The following STK3 variants were observed in gnomAD, a reference collection of about 807,000 sequenced individuals.
The protein encoded by STK3 is serine/threonine-protein kinase 3.
STK3 carries 41 observed loss-of-function variants against 58.0 expected under a neutral mutation model. The ratio of observed to expected loss-of-function variants is 0.71; its 90% CI spans 0.55 to 0.92. The LOEUF is 0.92. Ranked by LOEUF, STK3 falls within the 40% of genes least tolerant of loss-of-function variation. The pLI is 0.00. For synonymous variants in STK3, 170 were observed against 191.0 expected (o/e 0.89, Z 0.91); for missense variants, 479 against 602.7 (o/e 0.79, Z 2.15).
chr8:98,464,690 C>T (rs1250914131), intron 10 of STK3, among the ~76,000 whole-genome samples: 1 of 151,840 alleles, frequency 6.6e-6, no homozygotes, highest in Non-Finnish European at 1.5e-5. Flanking sequence ...TACTATGAAG[C>T]CTGTTTAAAG....
intron 1 of STK3, among the ~76,000 whole-genome samples, chr8:98,780,283 C>G (rs1272107184): frequency 1.3e-5 from 2 of 151,996 alleles, no homozygotes; most frequent in Non-Finnish European, 2.9e-5. Flanking sequence ...CCTTCTTTCC[C>G]ACAGTTCCAT....
At chr8:98,738,000 G>T (rs901315120) in intron 4 of STK3, among the ~76,000 whole-genome samples, 2 of 152,056 alleles carry the variant, frequency 1.3e-5, no homozygotes, top group African/African-American at 4.8e-5. Context: ...GTGAGCCACC[G>T]CACCCGGCCG....
chr8:98,785,719 C>G (rs983704688), intron 1 of STK3, among the ~76,000 whole-genome samples: 2 of 152,144 alleles, frequency 1.3e-5, no homozygotes, highest in African/African-American at 4.8e-5. Flanking sequence ...CCAAACTACA[C>G]AGCCCAATAT....
Position 98,424,914 on chromosome 8 carries a change from G to A in STK3, n.483+9213C>T, listed in dbSNP as rs4076778. Among the ~76,000 whole-genome samples the A allele has an allele frequency of 4.1e-3, 626 of 152,302 alleles. 5 individuals carry two copies. Among genetic ancestry groups the A allele is most frequent in the South Asian group, 0.014 (67 of 4,822 alleles). On this transcript the variant is annotated intron_variant and non_coding_transcript_variant, in intron 3 of 3. Transcript: ENST00000517832. ...GGAGGGGCCGGAAGGCAGGCAGCTCGTAGTGAAAGGATAGGGGTGAGAGCT... is the reference window on the plus strand; with the variant it reads ...GGAGGGGCCGGAAGGCAGGCAGCTCATAGTGAAAGGATAGGGGTGAGAGCT...
chr8:98,909,821 A>G (rs1839061956), intron 1 of STK3, among the ~76,000 whole-genome samples: 1 of 152,190 alleles, frequency 6.6e-6, no homozygotes, highest in African/African-American at 2.4e-5. Flanking sequence ...ATAAACATTC[A>G]TGTTCATATT....
chr8:98,817,453 CA>C (rs61671053), intron 1 of STK3, among the ~76,000 whole-genome samples: 90 of 128,940 alleles, frequency 7.0e-4, no homozygotes, highest in Middle Eastern at 4.2e-3. Context: ...GACTCCATCT[CA>C]AAAAAAAAAA....
intron 8 of STK3, among the ~76,000 whole-genome samples, chr8:98,570,968 G>A (rs72666649): frequency 0.03 from 4,524 of 152,200 alleles, 98 homozygotes; most frequent in South Asian, 0.061. Flanking sequence ...TACATTACAG[G>A]CTTCTGGACT....
intron 1 of STK3, among the ~76,000 whole-genome samples, chr8:98,383,525 T>G (rs913417900): frequency 2.6e-5 from 4 of 152,254 alleles, no homozygotes. Context: ...CCAAATGGAT[T>G]TTTTAAGAAT....
At chr8:98,521,038 A>G (rs1325969872) in intron 10 of STK3, among the ~76,000 whole-genome samples, 1 of 151,902 alleles carries the variant, frequency 6.6e-6, no homozygotes, top group African/African-American at 2.4e-5. Context: ...TCCTTTATTC[A>G]TCTCTTATTT....
intron 10 of STK3, among the ~76,000 whole-genome samples, chr8:98,476,545 C>T (rs1821326810): frequency 6.6e-6 from 1 of 152,146 alleles, no homozygotes; most frequent in African/African-American, 2.4e-5. Flanking sequence ...CCAGGTGGAA[C>T]CAATGTTGCT....
At chr8:98,519,457 G>C (rs1384422896) in intron 10 of STK3, among the ~76,000 whole-genome samples, 2 of 151,456 alleles carry the variant, frequency 1.3e-5, no homozygotes, top group African/African-American at 4.8e-5. Flanking sequence ...TGGCTATAGA[G>C]GAGGGTGAAA....
At chr8:98,517,259 C>A (rs1350625566) in intron 10 of STK3, among the ~76,000 whole-genome samples, 1 of 151,928 alleles carries the variant, frequency 6.6e-6, no homozygotes, top group Non-Finnish European at 1.5e-5. Context: ...CAAAACAAGA[C>A]TACTTTGGTT....
intron 3 of STK3, among the ~76,000 whole-genome samples, chr8:98,863,376 G>A (rs974131761): frequency 1.3e-5 from 2 of 152,118 alleles, no homozygotes; most frequent in African/African-American, 2.4e-5. Context: ...TCTCCCACTG[G>A]CTAAATGAAT....
intron 4 of STK3, among the ~76,000 whole-genome samples, chr8:98,714,591 CT>C (rs1262264534): frequency 6.6e-6 from 1 of 152,158 alleles, no homozygotes; most frequent in East Asian, 1.9e-4. Context: ...TGAAGGACCT[CT>C]TTAAGGAGAA....
intron 1 of STK3, among the ~76,000 whole-genome samples, chr8:98,799,319 A>G (rs927703587): frequency 1.3e-4 from 20 of 152,198 alleles, no homozygotes; most frequent in African/African-American, 4.6e-4. Flanking sequence ...GAACAGCAGC[A>G]TAAGCTGCTG....
the STK3 span, among the ~76,000 whole-genome samples, chr8:98,344,503 T>C: frequency 6.6e-6 from 1 of 152,194 alleles, no homozygotes; most frequent in Non-Finnish European, 1.5e-5. Flanking sequence ...TTTAATCCCC[T>C]TGGCAAATGG....
rs1049360317 is a variant in STK3 at position 98,809,696 on chromosome 8, C to T, written c.26+15819G>A. ...CCCTTTTTAAGGCTGAATAATATTC[C>T]ATTGTATATATATATACCACATTTT... On this transcript the variant is annotated intron_variant, in intron 1 of 10. Transcript: ENST00000419617. Among the ~76,000 whole-genome samples the T allele has an allele frequency of 8.5e-5, 13 of 152,192 alleles. No individual in the cohort carries two copies. In the East Asian group the frequency reaches 2.1e-3, roughly 25 times the overall value.
intron 7 of STK3, among the ~76,000 whole-genome samples, chr8:98,584,907 G>GCTTCTTT (rs1814351155): frequency 6.6e-6 from 1 of 151,694 alleles, no homozygotes. Context: ...CTTTTGAGAA[G>GCTTCTTT]TGTCTGTTCA....
At chr8:98,773,468 A>T (rs2131480567) in intron 2 of STK3, among the ~76,000 whole-genome samples, 1 of 152,278 alleles carries the variant, frequency 6.6e-6, no homozygotes, top group African/African-American at 2.4e-5. Context: ...TATAAGAAAT[A>T]TCCTTATAGG....
Sources: allele counts gnomAD v4.1 joint callset (sites outside exome capture counted in the v4.1 genomes callset), GRCh38; gene constraint gnomAD v4.1.1; transcripts MANE v1.5; gene names NCBI Gene and HGNC (gene_info 2026-07-23, HGNC 2026-07-21).